Variants in OPCML observed in about 807,000 individuals in gnomAD.
The protein encoded by OPCML is opioid-binding protein/cell adhesion molecule.
In OPCML, 13 loss-of-function variants were observed where a neutral mutation model predicts 37.8. The observed-to-expected ratio is 0.34, with a 90% CI of 0.22 to 0.55. The LOEUF (loss-of-function observed/expected upper bound fraction) is 0.55, where lower values mean the gene tolerates loss of function less well. Ranked by LOEUF, OPCML falls within the 20% of genes least tolerant of loss-of-function variation. OPCML has a pLI of 0.91. For missense variants in OPCML, 341 were observed against 435.6 expected, an observed-to-expected ratio of 0.78 and a Z score of 1.93; for synonymous variants, 176 against 168.8, an observed-to-expected ratio of 1.04 and a Z score of -0.33.
intron 1 of OPCML, among the ~76,000 whole-genome samples, chr11:133,218,187 A>T (rs535290883): frequency 6.6e-6 from 1 of 152,184 alleles, no homozygotes; most frequent in African/African-American, 2.4e-5. Context: ...AATCATGGAG[A>T]GTTCCAGGCT....
At chr11:132,537,038 G>A (rs1432509345) in intron 3 of OPCML, among the ~76,000 whole-genome samples, 5 of 152,190 alleles carry the variant, frequency 3.3e-5, no homozygotes, top group Admixed American at 2.0e-4. Flanking sequence ...CCTGGGAGCC[G>A]ATGGTCTTTC....
At chr11:132,648,028 CA>C (rs1227457419) in intron 3 of OPCML, among the ~76,000 whole-genome samples, 5 of 152,184 alleles carry the variant, frequency 3.3e-5, no homozygotes, top group Non-Finnish European at 5.9e-5. Flanking sequence ...ACTAGGAGCT[CA>C]AAACCAGGTT....
At chr11:133,469,303 A>G (rs1947050987) in intron 1 of OPCML, among the ~76,000 whole-genome samples, 1 of 152,206 alleles carries the variant, frequency 6.6e-6, no homozygotes, top group Non-Finnish European at 1.5e-5. Context: ...TGGAGACACA[A>G]ATCCTTAGTA....
At chr11:132,835,361 A>G (rs1940947889) in intron 2 of OPCML, among the ~76,000 whole-genome samples, 1 of 152,204 alleles carries the variant, frequency 6.6e-6, no homozygotes, top group Non-Finnish European at 1.5e-5. Context: ...AAAGAATTGC[A>G]TTCTCCCTTT....
chr11:133,294,066 A>C (rs1474725292), intron 1 of OPCML, among the ~76,000 whole-genome samples: 1 of 152,152 alleles, frequency 6.6e-6, no homozygotes, highest in East Asian at 1.9e-4. Context: ...AGCTGCTCAC[A>C]GTGAAAATGA....
At chr11:132,538,083 A>G (rs2137347787) in intron 3 of OPCML, among the ~76,000 whole-genome samples, 1 of 152,314 alleles carries the variant, frequency 6.6e-6, no homozygotes, top group South Asian at 2.1e-4. Flanking sequence ...AAATGAAGGC[A>G]TATACCCACA....
chr11:133,020,934 G>A (rs1230043528), intron 1 of OPCML, among the ~76,000 whole-genome samples: 2 of 151,922 alleles, frequency 1.3e-5, no homozygotes, highest in Non-Finnish European at 2.9e-5. Context: ...TTCCCACTTG[G>A]CATACATAGA....
chr11:132,528,633 T>C (rs1453412180), intron 4 of OPCML, among the ~76,000 whole-genome samples: 1 of 152,198 alleles, frequency 6.6e-6, no homozygotes, highest in East Asian at 1.9e-4. Context: ...TGGCTCTGGA[T>C]AAATGTCCTA....
Position 133,174,798 on chromosome 11 carries a change from G to A in OPCML, c.62-231788C>T, listed in dbSNP as rs1244077896. ...CTATATTATAATTCATTTATGATGA[G>A]TGTATACTTCGTGTGCACTAGAAAA... On this transcript the variant is annotated intron_variant, in intron 1 of 7. Coordinates refer to ENST00000524381, the MANE Select transcript of OPCML (RefSeq NM_001012393.5). The surrounding 1 kb of genome is among the most constrained non-coding windows in gnomAD (Gnocchi z 4.6). 6.6e-6 allele frequency among the ~76,000 whole-genome samples: 1 copy of A among 152,166 alleles called. No individual in the cohort carries two copies. The highest frequency in any genetic ancestry group is 1.5e-5 in the Non-Finnish European group (1 of 68,032).
intron 1 of OPCML, among the ~76,000 whole-genome samples, chr11:133,068,329 T>A (rs1948471820): frequency 6.6e-6 from 1 of 152,156 alleles, no homozygotes; most frequent in African/African-American, 2.4e-5. Flanking sequence ...CCTTAATAGA[T>A]CAGAAGAACA....
At chr11:132,834,722 C>T (rs1021767223) in intron 2 of OPCML, among the ~76,000 whole-genome samples, 1 of 152,142 alleles carries the variant, frequency 6.6e-6, no homozygotes, top group Non-Finnish European at 1.5e-5. Context: ...CCCTGATGAC[C>T]TCATTTTAAC....
At chr11:132,832,764 C>T (rs1215811338) in intron 2 of OPCML, among the ~76,000 whole-genome samples, 1 of 152,188 alleles carries the variant, frequency 6.6e-6, no homozygotes, top group African/African-American at 2.4e-5. Context: ...GCATAGCCTA[C>T]TGCACACCTA....
intron 2 of OPCML, among the ~76,000 whole-genome samples, chr11:132,784,056 T>A (rs1947120874): frequency 6.6e-6 from 1 of 152,134 alleles, no homozygotes; most frequent in Non-Finnish European, 1.5e-5. Context: ...ATATACTAAA[T>A]GAATAATGAA....
intron 3 of OPCML, among the ~76,000 whole-genome samples, chr11:132,633,948 C>T (rs1940317948): frequency 6.6e-6 from 1 of 152,120 alleles, no homozygotes; most frequent in South Asian, 2.1e-4. Context: ...GCCTCAAGGC[C>T]CAGGTTCTTC....
chr11:132,728,579 G>A (rs1454264371), intron 2 of OPCML, among the ~76,000 whole-genome samples: 1 of 151,896 alleles, frequency 6.6e-6, no homozygotes, highest in Non-Finnish European at 1.5e-5. Flanking sequence ...GGTTTTTGAA[G>A]TTCTCTCCCT....
At chr11:133,303,022 T>G (rs1942818630) in intron 1 of OPCML, among the ~76,000 whole-genome samples, 3 of 152,170 alleles carry the variant, frequency 2.0e-5, no homozygotes, top group Admixed American at 2.0e-4. Flanking sequence ...GAACTAATTG[T>G]GTTTGGATAT....
chr11:133,400,928 T>C (rs923109526), intron 1 of OPCML, among the ~76,000 whole-genome samples: 2 of 152,178 alleles, frequency 1.3e-5, no homozygotes, highest in African/African-American at 2.4e-5. Context: ...ACCAGTGCCC[T>C]TGTGGGACAC....
intron 1 of OPCML, among the ~76,000 whole-genome samples, chr11:133,406,362 T>C (rs74712564): frequency 0.07 from 10,658 of 152,028 alleles, 1,075 homozygotes; most frequent in African/African-American, 0.22. Flanking sequence ...CCATTCTCCT[T>C]CCATGCAGAA....
chr11:132,647,861 T>A (rs1178192410), intron 3 of OPCML, among the ~76,000 whole-genome samples: 1 of 152,246 alleles, frequency 6.6e-6, no homozygotes, highest in Non-Finnish European at 1.5e-5. Context: ...GTTTTCCTGG[T>A]GATTATTTTG....
Sources: allele counts gnomAD v4.1 joint callset (sites outside exome capture counted in the v4.1 genomes callset), GRCh38; gene constraint gnomAD v4.1.1; non-coding constraint Gnocchi (gnomAD v3.1); transcripts MANE v1.5; gene names NCBI Gene and HGNC (gene_info 2026-07-23, HGNC 2026-07-21).